The following CNTNAP2 variants were observed in gnomAD, a reference collection of about 807,000 sequenced individuals.
CNTNAP2 encodes the protein contactin associated protein 2.
In CNTNAP2, 98 loss-of-function variants were observed where a neutral mutation model predicts 155.2. The ratio of observed to expected loss-of-function variants is 0.63; its 90% CI spans 0.54 to 0.75. The LOEUF is 0.75. CNTNAP2 is among the 30% of genes least tolerant of loss of function. CNTNAP2 has a pLI of 0.00. For missense variants in CNTNAP2, 1,727 were observed against 1,688.1 expected (o/e 1.02, Z -0.40); for synonymous variants, 651 against 631.2 (o/e 1.03, Z -0.47).
chr7:147,767,787 G>A (rs73458219), intron 13 of CNTNAP2, among the ~76,000 whole-genome samples: 1 of 152,008 alleles, frequency 6.6e-6, no homozygotes, highest in Non-Finnish European at 1.5e-5. Context: ...AGAAACAAAG[G>A]CTTTCTTACA....
At chr7:147,395,023 T>G (rs927163659) in intron 9 of CNTNAP2, among the ~76,000 whole-genome samples, 3 of 151,840 alleles carry the variant, frequency 2.0e-5, no homozygotes, top group Non-Finnish European at 2.9e-5. Flanking sequence ...ATGCCTAAAT[T>G]TATTTGCTTC....
intron 1 of CNTNAP2, among the ~76,000 whole-genome samples, chr7:146,562,027 C>T (rs1332559744): frequency 6.6e-6 from 1 of 152,024 alleles, no homozygotes; most frequent in Admixed American, 6.6e-5. Flanking sequence ...TGGGCTCAAG[C>T]AATCCTCCTG....
intron 9 of CNTNAP2, among the ~76,000 whole-genome samples, chr7:147,392,434 T>A (rs1331337207): frequency 6.6e-6 from 1 of 152,018 alleles, no homozygotes; most frequent in African/African-American, 2.4e-5. Flanking sequence ...TCGTGGTGAT[T>A]TATGAGATTT....
intron 3 of CNTNAP2, among the ~76,000 whole-genome samples, chr7:146,861,351 C>G (rs1021103980): frequency 2.0e-5 from 3 of 152,066 alleles, no homozygotes; most frequent in Admixed American, 1.3e-4. Flanking sequence ...TTTTCCTTAC[C>G]CTTTCATTTT....
intron 15 of CNTNAP2, among the ~76,000 whole-genome samples, chr7:148,097,091 G>A (rs1244711108): frequency 7.9e-5 from 12 of 152,068 alleles, no homozygotes; most frequent in Non-Finnish European, 1.8e-4. Flanking sequence ...TCTTTGTGAG[G>A]TATTATGGGA....
intron 3 of CNTNAP2, among the ~76,000 whole-genome samples, chr7:146,906,822 G>A (rs1796139907): frequency 6.6e-6 from 1 of 151,452 alleles, no homozygotes; most frequent in African/African-American, 2.4e-5. Context: ...GACGAGCTGA[G>A]AGAAGAAGGC....
intron 9 of CNTNAP2, among the ~76,000 whole-genome samples, chr7:147,301,198 T>C (rs1794939796): frequency 6.6e-6 from 1 of 152,114 alleles, no homozygotes; most frequent in Admixed American, 6.5e-5. Context: ...GGTTCTTAAG[T>C]AACGAAAAGA....
At chr7:146,565,761 C>A (rs979328045) in intron 1 of CNTNAP2, among the ~76,000 whole-genome samples, 2 of 152,182 alleles carry the variant, frequency 1.3e-5, no homozygotes, top group African/African-American at 2.4e-5. Flanking sequence ...TTAGAATAAA[C>A]GATGTGAGTG....
chr7:147,617,360 G>A (rs1472032839), intron 12 of CNTNAP2, among the ~76,000 whole-genome samples: 1 of 152,130 alleles, frequency 6.6e-6, no homozygotes, highest in African/African-American at 2.4e-5. Flanking sequence ...AGGAAAGCAA[G>A]TCTTTTTCAT....
chr7:148,304,874 A>G (rs879697325), intron 21 of CNTNAP2, among the ~76,000 whole-genome samples: 1 of 152,036 alleles, frequency 6.6e-6, no homozygotes, highest in African/African-American at 2.4e-5. Context: ...ATAGATCCGT[A>G]TGCAGTGTTT....
At chr7:147,630,316 T>TTAAAAAAAAAAAA (rs1286214301) in intron 12 of CNTNAP2, among the ~76,000 whole-genome samples, 1 of 73,072 alleles carries the variant, frequency 1.4e-5, no homozygotes, top group African/African-American at 4.2e-5. Flanking sequence ...GAAACAGTAG[T>TTAAAAAAAAAAAA]AAAAAAAAAA....
intron 10 of CNTNAP2, among the ~76,000 whole-genome samples, chr7:147,442,692 G>A (rs1325734446): frequency 6.6e-6 from 1 of 152,090 alleles, no homozygotes; most frequent in African/African-American, 2.4e-5. Flanking sequence ...GGTTATTTGA[G>A]CCCAAGGACA....
intron 1 of CNTNAP2, among the ~76,000 whole-genome samples, chr7:146,469,712 G>T (rs1796766161): frequency 2.0e-5 from 3 of 151,730 alleles, no homozygotes; most frequent in African/African-American, 7.3e-5. Context: ...ATTTTTAGTG[G>T]AGACAGGTTT....
intron 10 of CNTNAP2, among the ~76,000 whole-genome samples, chr7:147,436,900 TTTTAAAACTGACAAGAAGC>T (rs1797557966): frequency 6.6e-6 from 1 of 152,074 alleles, no homozygotes; most frequent in Non-Finnish European, 1.5e-5. Flanking sequence ...CATTCCAGGG[TTTTAAAACTGACAAGAAGC>T]TTTAAAAAAA....
intron 3 of CNTNAP2, among the ~76,000 whole-genome samples, chr7:147,000,848 G>T (rs915491879): frequency 2.0e-5 from 3 of 152,086 alleles, no homozygotes; most frequent in African/African-American, 4.8e-5. Flanking sequence ...AGAATCCAAG[G>T]CTGCTATAGT....
At chr7:146,541,695 G>C (rs1263878369) in intron 1 of CNTNAP2, among the ~76,000 whole-genome samples, 1 of 151,874 alleles carries the variant, frequency 6.6e-6, no homozygotes, top group African/African-American at 2.4e-5. Context: ...TATATATCCA[G>C]GGAAGATGCT....
intron 9 of CNTNAP2, among the ~76,000 whole-genome samples, chr7:147,385,874 C>A (rs1300753986): frequency 6.6e-6 from 1 of 152,234 alleles, no homozygotes; most frequent in Non-Finnish European, 1.5e-5. Flanking sequence ...TTCTGCACTG[C>A]CCTAGCAGAG....
intron 17 of CNTNAP2, among the ~76,000 whole-genome samples, chr7:148,149,790 G>A (rs12333907): frequency 0.021 from 3,214 of 152,120 alleles, 120 homozygotes; most frequent in African/African-American, 0.074. Flanking sequence ...GACCTCAGGT[G>A]ATCCACCCAC....
At chr7:146,721,807 A>G (rs1801332566) in intron 1 of CNTNAP2, among the ~76,000 whole-genome samples, 2 of 119,028 alleles carry the variant, frequency 1.7e-5, no homozygotes, top group African/African-American at 3.8e-5. Context: ...TAGACTATAT[A>G]TAGTCTATAT....
Sources: allele counts gnomAD v4.1 joint callset (sites outside exome capture counted in the v4.1 genomes callset), GRCh38; gene constraint gnomAD v4.1.1; transcripts MANE v1.5; gene names NCBI Gene and HGNC (gene_info 2026-07-23, HGNC 2026-07-21).